Variants in SARM1 observed in about 807,000 individuals in gnomAD.
SARM1 encodes NAD(+) hydrolase SARM1.
SARM1 carries 60 observed loss-of-function variants against 65.1 expected under a neutral mutation model. The observed-to-expected ratio is 0.92, with a 90% CI of 0.75 to 1.14. The LOEUF (loss-of-function observed/expected upper bound fraction) is 1.14, where lower values mean the gene tolerates loss of function less well. SARM1 is among the 50% of genes most tolerant of loss of function. SARM1 has a pLI of 0.00. For synonymous variants in SARM1, 417 were observed against 465.4 expected (o/e 0.90, Z 1.34); for missense variants, 913 against 1,015.7 (o/e 0.90, Z 1.37).
chr17:28,396,158 T>A lies in SARM1; in HGVS notation c.2047T>A (p.Trp683Arg). ...QAVLTFNGIK[W>R]SHEYQEATIE... ...CCACATTGGCTCCTGTGCCCACAGG[T>A]GGTCCCACGAATACCAGGAGGCCAC... Residue 683 changes from tryptophan (W) to arginine (R), a missense_variant and splice_region_variant, in exon 9 of 9, where the codon TGG (tryptophan) becomes AGG (arginine). Transcript: ENST00000585482. 1.2e-6 allele frequency: 2 copies of A among 1,613,842 alleles called. No individual in the cohort carries two copies. The highest frequency in any genetic ancestry group is 1.7e-6 in the Non-Finnish European group (2 of 1,179,842).
In SARM1 at chr17:28,388,460, G is replaced by T. The variant is rs782753946; in HGVS notation, c.1844G>T (p.Arg615Leu). 3 of 1,613,836 alleles carry T rather than the reference G, an allele frequency of 1.9e-6. No homozygotes were observed. Among genetic ancestry groups the T allele is most frequent in the Non-Finnish European group, 2.5e-6 (3 of 1,179,900 alleles). ...CTCATCCAGAGTGTCATGGGTGCCC[G>T]CAACTTTGTGTTGGTGCTATCACCT... The part of the protein sequence containing the change: ...DKLIQSVMGA[R>L]NFVLVLSPGA... The change falls in exon 7 of 9, where the codon CGC (arginine) becomes CTC (leucine). Residue 615 changes from arginine to leucine, a missense_variant. Arg to Leu is a moderately radical substitution (Grantham distance 102). Transcript: ENST00000585482.
Position 28,396,201 on chromosome 17 carries a change from G to A in SARM1, c.2090G>A (p.Arg697His), listed in dbSNP as rs544071937. ...YQEATIEKII[R>H]FLQGRSSRDS... ...GAGGCCACCATTGAGAAGATCATCCGCTTCCTGCAGGGCCGCTCCTCCCGG... is the reference window on the plus strand; with the variant it reads ...GAGGCCACCATTGAGAAGATCATCCACTTCCTGCAGGGCCGCTCCTCCCGG... The change falls in exon 9 of 9, where the codon CGC becomes CAC. Residue 697 changes from arginine (R) to histidine (H), a missense_variant. By Grantham distance (29) the Arg-to-His change is conservative (BLOSUM62 0). This residue lies in a region of SARM1 where 862 missense variants were observed against 952.1 expected (regional missense o/e 0.91). Coordinates refer to ENST00000585482, the MANE Select transcript of SARM1 (RefSeq NM_015077.4). 1.9e-5 allele frequency: 30 copies of A among 1,613,968 alleles called. No individual in the cohort carries two copies. The East Asian group carries it at 2.7e-4, about 14-fold the overall frequency.
chr17:28,389,107 C>G (rs1220409427), intron 7 of SARM1, among the ~76,000 whole-genome samples: 1 of 152,110 alleles, frequency 6.6e-6, no homozygotes, highest in Admixed American at 6.5e-5. Context: ...CCATGAGAGA[C>G]AGGAGAGCAT....
chr17:28,385,541 T>C lies in SARM1; in HGVS notation c.1630+266T>C, dbSNP rs953147883. The C allele has an allele frequency of 3.9e-6, 2 of 517,324 alleles. No individual in the cohort carries two copies. The highest frequency in any genetic ancestry group is 3.8e-5 in the Admixed American group (1 of 26,504). The allele number at this position is 517,324 out of a possible 1,614,324, so 32.0% of individuals were successfully genotyped here. ...GGCAGGAAGCTACCCAGGTCTCCAGTGGGAGCACAGAGGAAGCCCAGCCCA... is the reference window on the plus strand; with the variant it reads ...GGCAGGAAGCTACCCAGGTCTCCAGCGGGAGCACAGAGGAAGCCCAGCCCA... On this transcript the variant is annotated intron_variant, in intron 5 of 8. Transcript: ENST00000585482. The surrounding 1 kb of genome is among the most constrained non-coding windows in gnomAD (Gnocchi z 4.5).
At chr17:28,390,839 G>T (rs971215314) in intron 7 of SARM1, among the ~76,000 whole-genome samples, 1 of 152,178 alleles carries the variant, frequency 6.6e-6, no homozygotes, top group Non-Finnish European at 1.5e-5. Context: ...ATAAAGGTAG[G>T]GAGGAGAACA....
At position 28,371,822 on chromosome 17, in the gene SARM1, G is replaced by A. The variant is rs986060540; in HGVS notation, c.-211G>A. ...CCTTTCGCCCACTCCCTGCATCTGG[G>A]CCTGCATCACCTTTGCCAACCGCTC... On this transcript the variant is annotated 5_prime_UTR_variant, in exon 1 of 9. Coordinates refer to ENST00000585482, the MANE Select transcript of SARM1 (RefSeq NM_015077.4). 2.6e-4 allele frequency: 117 copies of A among 445,268 alleles called. No individual in the cohort carries two copies. In the East Asian group the frequency reaches 4.1e-3, roughly 16 times the overall value. 27.6% of individuals were successfully genotyped at this position (445,268 alleles called of 1,614,324 possible).
rs975670103 is a variant in SARM1, at chr17:28,388,156, G to A, written c.1631-18G>A. The A allele has an allele frequency of 1.3e-6, 2 of 1,521,704 alleles. No individual in the cohort carries two copies. Among genetic ancestry groups the A allele is most frequent in the Non-Finnish European group, 1.8e-6 (2 of 1,121,830 alleles). The allele number at this position is 1,521,704 out of a possible 1,614,324, so 94.3% of individuals were successfully genotyped here. On this transcript the variant is annotated intron_variant, in intron 5 of 8. Coordinates refer to ENST00000585482, the MANE Select transcript of SARM1 (RefSeq NM_015077.4). ...GCGGAGGGGCCACCTTCACCATGCT[G>A]CCTATTGCCCACTTCAGAAATGCTA...
At chr17:28,394,625 C>T (rs2068099152) in intron 7 of SARM1, 1 of 152,246 alleles carries the variant, frequency 6.6e-6, no homozygotes. Context: ...CAGAATGACT[C>T]ACAGAACTCA....
At position 28,396,459 on chromosome 17, in the gene SARM1, AG is replaced by A. The variant is rs1332618100; in HGVS notation, c.*174del. The A allele has an allele frequency of 3.4e-5, 25 of 725,122 alleles. 1 individual carries two copies. The highest frequency in any genetic ancestry group is 4.9e-5 in the Non-Finnish European group (22 of 448,856). The allele number at this position is 725,122 out of a possible 1,614,324, so 44.9% of individuals were successfully genotyped here. A position where few individuals can be genotyped will look rare whatever the true frequency, so the allele number is the denominator to read the frequency against. The stretch of plus-strand genomic sequence containing the variant: ...GGCCCACCTCCAACCCACTTTCCTC[AG>A]TATCTGGAGAGGGAAGGGAAGTCAG... On this transcript the variant is annotated 3_prime_UTR_variant, in exon 9 of 9. Coordinates refer to ENST00000585482, the MANE Select transcript of SARM1 (RefSeq NM_015077.4).
intron 7 of SARM1, among the ~76,000 whole-genome samples, chr17:28,389,803 G>A (rs1230292001): frequency 6.6e-6 from 1 of 152,172 alleles, no homozygotes; most frequent in African/African-American, 2.4e-5. Flanking sequence ...CAGGGGAATC[G>A]CTTGGGCCCA....
chr17:28,395,780 GA>G, intron 7 of SARM1, 124 bp from the exon 8 acceptor site: 1 of 923,100 alleles, frequency 1.1e-6, no homozygotes, highest in Non-Finnish European at 1.7e-6. Context: ...CATCAAGGTG[GA>G]CATCAGGACT....
At chr17:28,386,191 G>A (rs60676033) in intron 5 of SARM1, among the ~76,000 whole-genome samples, 16,616 of 152,118 alleles carry the variant, frequency 0.11, 1,053 homozygotes, top group East Asian at 0.23. Context: ...TGTAGTCCCA[G>A]CTACTTGGGA....
In SARM1 at chr17:28,384,666, G is replaced by A. The variant is rs782274672; in HGVS notation, c.1302+97G>A. 1.5e-5 allele frequency: 21 copies of A among 1,360,902 alleles called. No homozygotes were observed. The highest frequency in any genetic ancestry group is 2.0e-5 in the Non-Finnish European group (20 of 999,310). The allele number at this position is 1,360,902 out of a possible 1,614,324, so 84.3% of individuals were successfully genotyped here. The stretch of plus-strand genomic sequence containing the variant: ...CCGCCTCGCAATCCCGCGGCGCCAG[G>A]GTCGCTTTTGGGGGCGGGGAGCCTG... On this transcript the variant is annotated intron_variant, in intron 3 of 8. Coordinates refer to ENST00000585482, the MANE Select transcript of SARM1 (RefSeq NM_015077.4). This position sits in a 1 kb window ranked among gnomAD's most constrained non-coding sequence, Gnocchi z 4.4.
At chr17:28,388,132 C>T (rs1335156654) in intron 5 of SARM1, 42 bp from the exon 6 acceptor site, 11 of 1,363,122 alleles carry the variant, frequency 8.1e-6, no homozygotes, top group African/African-American at 4.3e-5. Flanking sequence ...GTGAGTGATG[C>T]GGAGGGGCCA....
chr17:28,386,374 C>T (rs546520165), intron 5 of SARM1, among the ~76,000 whole-genome samples: 1 of 151,492 alleles, frequency 6.6e-6, no homozygotes, highest in African/African-American at 2.4e-5. Flanking sequence ...CCCACCCCCA[C>T]CATCATCATT....
Position 28,372,067 on chromosome 17 carries a change from T to A in SARM1, c.35T>A (p.Leu12Gln). 6.7e-7 allele frequency: 1 copy of A among 1,502,230 alleles called. No individual in the cohort carries two copies. The allele number at this position is 1,502,230 out of a possible 1,614,324, so 93.1% of individuals were successfully genotyped here. The change falls in exon 1 of 9, where the codon CTG (leucine) becomes CAG (glutamine). Residue 12 changes from leucine (L) to glutamine (Q), a missense_variant. Around this residue, in one of 3 missense-constraint regions of SARM1, gnomAD observed 39 missense variants for 32.0 expected, o/e 1.22. Coordinates refer to ENST00000585482, the MANE Select transcript of SARM1 (RefSeq NM_015077.4). This position sits in a 1 kb window ranked among gnomAD's most constrained non-coding sequence, Gnocchi z 5.2. ...ACGCTGCTTCTCTCCGCCTACAAGC[T>A]GTGTCGCTTCTTCGCCATGTCGGGC... ...VLTLLLSAYK[L>Q]CRFFAMSGPR...
chr17:28,381,120 G>A (rs571713972), intron 1 of SARM1, 83 bp from the exon 2 acceptor site: 3 of 1,471,728 alleles, frequency 2.0e-6, no homozygotes, highest in Non-Finnish European at 2.7e-6. Flanking sequence ...CCCAGAGAGG[G>A]TTAGTGACCA....
Position 28,399,799 on chromosome 17 carries a change from T to C in SARM1, c.*3513T>C, listed in dbSNP as rs2068174406. On this transcript the variant is annotated 3_prime_UTR_variant, in exon 9 of 9. Transcript: ENST00000585482. ...AGAAGTGACACAGGATTTACTGGGG[T>C]GGGCTGGTCCAGGTAGCTCTCCTGA... is the stretch of plus-strand genomic sequence containing the variant. The C allele has an allele frequency of 7.6e-6, 11 of 1,447,510 alleles. No individual in the cohort carries two copies. The highest frequency in any genetic ancestry group is 9.7e-6 in the Non-Finnish European group (10 of 1,031,926). 89.7% of individuals were successfully genotyped at this position (1,447,510 alleles called of 1,614,324 possible).
chr17:28,384,608 G>A lies in SARM1; in HGVS notation c.1302+39G>A. On this transcript the variant is annotated intron_variant, in intron 3 of 8. Coordinates refer to ENST00000585482, the MANE Select transcript of SARM1 (RefSeq NM_015077.4). This position sits in a 1 kb window ranked among gnomAD's most constrained non-coding sequence, Gnocchi z 4.4. ...GGATACGCCTCCCCCGAGTCAGAGC[G>A]GGCGCCCTGTGCACAGGGACTGCGT... The A allele has an allele frequency of 6.5e-7, 1 of 1,527,998 alleles. No homozygotes were observed. Among genetic ancestry groups the A allele is most frequent in the Non-Finnish European group, 8.8e-7 (1 of 1,131,118 alleles). The allele number at this position is 1,527,998 out of a possible 1,614,324, so 94.7% of individuals were successfully genotyped here.
Sources: gnomAD v4.1 joint callset for allele counts (sites outside exome capture counted in the v4.1 genomes callset) on GRCh38, gnomAD v4.1.1 for gene constraint, gnomAD v4.1.1 regional missense constraint, Gnocchi (gnomAD v3.1) non-coding constraint, MANE v1.5 for transcripts, NCBI Gene and HGNC (gene_info 2026-07-23, HGNC 2026-07-21) for gene names.